Variants in ARMCX4 observed in about 807,000 individuals in gnomAD.
The protein encoded by ARMCX4 is armadillo repeat-containing X-linked protein 4.
In ARMCX4, 3 loss-of-function variants were observed where a neutral mutation model predicts 34.7. The observed-to-expected ratio is 0.09, with a 90% CI of 0.04 to 0.22. ARMCX4 has a LOEUF of 0.22. Among genes scored for constraint, ARMCX4 ranks in the 10% least tolerant of loss-of-function variants. The probability of loss-of-function intolerance (pLI) is 1.00; values close to 1 mark genes in which losing one functional copy is unlikely to be tolerated. For missense variants in ARMCX4, 1,448 were observed against 1,720.8 expected, an observed-to-expected ratio of 0.84 and a Z score of 2.81; for synonymous variants, 513 against 632.8, an observed-to-expected ratio of 0.81 and a Z score of 2.84.
At chrX:101,465,770 A>G (rs1357222679) in intron 4 of ARMCX4, among the ~76,000 whole-genome samples, 1 of 112,367 alleles carries the variant, frequency 8.9e-6, no homozygotes, top group African/African-American at 3.2e-5. Flanking sequence ...TACAAGGAGC[A>G]TCTACAAAAT....
Position 101,492,249 on chromosome X carries a change from TG to T in ARMCX4, c.3666del (p.Ser1223LeufsTer64). 1 of 1,134,288 alleles carries T rather than the reference TG, an allele frequency of 8.8e-7. No individual in the cohort carries two copies. Among genetic ancestry groups the T allele is most frequent in the Non-Finnish European group, 1.2e-6 (1 of 863,048 alleles). 93.5% of individuals were successfully genotyped at this position (1,134,288 alleles called of 1,213,427 possible). ...GGACTGGGGCTGAGAACCAGGCCAG[TG>T]GGGGGTCTTGGGCTCTCGCTGGGAA... The part of the protein sequence containing the change: ...AWTGAENQAS[G>X]GSWALAGNQA... On this transcript the variant is annotated frameshift_variant, in exon 6 of 6. Coordinates refer to ENST00000423738, the MANE Select transcript of ARMCX4 (RefSeq NM_001256155.3). LOFTEE classifies it low-confidence loss of function (END_TRUNC).
chrX:101,518,242 TATA>T (rs1934782515), intron 11 of ARMCX4, among the ~76,000 whole-genome samples: 1 of 111,520 alleles, frequency 9.0e-6, no homozygotes, highest in Non-Finnish European at 1.9e-5. Flanking sequence ...AGTGACATAC[TATA>T]ATAACAGAGT....
At chrX:101,425,393 C>CT (rs1433372159) in intron 2 of ARMCX4, among the ~76,000 whole-genome samples, 8,802 of 88,745 alleles carry the variant, frequency 0.099, 1,495 homozygotes, top group African/African-American at 0.36. Flanking sequence ...GAGGAAGGCA[C>CT]TTTTTTTTTT....
chrX:101,500,432 T>A (rs940800718), downstream of ARMCX4, among the ~76,000 whole-genome samples: 1 of 111,501 alleles, frequency 9.0e-6, no homozygotes, highest in Non-Finnish European at 1.9e-5. Context: ...ACATATGGCA[T>A]CTGTGGAGTG....
At chrX:101,510,929 A>G (rs1439936649) in intron 10 of ARMCX4, 1 of 111,512 alleles carries the variant, frequency 9.0e-6, no homozygotes, top group Non-Finnish European at 1.9e-5. Context: ...TGTCCATTAT[A>G]CATGACATTT....
At chrX:101,518,485 C>A (rs1934787454) in intron 11 of ARMCX4, among the ~76,000 whole-genome samples, 1 of 110,653 alleles carries the variant, frequency 9.0e-6, no homozygotes, top group Admixed American at 9.7e-5. Flanking sequence ...TTTCAAGTGA[C>A]TAGAGGGAAA....
At chrX:101,481,123 C>A (rs782403212), upstream of ARMCX4, among the ~76,000 whole-genome samples, 6 of 110,674 alleles carry the variant, frequency 5.4e-5, no homozygotes, top group African/African-American at 2.0e-4. Context: ...GAACCTATCT[C>A]AAAACAAAAC....
intron 4 of ARMCX4, among the ~76,000 whole-genome samples, chrX:101,456,232 A>G (rs1171951693): frequency 1.8e-5 from 2 of 112,071 alleles, no homozygotes; most frequent in Non-Finnish European, 3.8e-5. Context: ...TCTTTGAGAA[A>G]TCTTTAAAGT....
At chrX:101,522,208 T>C (rs73564760) in intron 11 of ARMCX4, among the ~76,000 whole-genome samples, 8,415 of 111,732 alleles carry the variant, frequency 0.075, 364 homozygotes, top group African/African-American at 0.17. Flanking sequence ...TTTATAATTG[T>C]TATATCTTTT....
chrX:101,430,495 A>T lies in ARMCX4; in HGVS notation n.164+11495A>T, dbSNP rs185087230. ...CCGCCACTCAGCTAATATGTGACAG[A>T]AGAAATATCCCTTATCCCCATCCAT... On this transcript the variant is annotated intron_variant and non_coding_transcript_variant, in intron 2 of 3. Transcript: ENST00000430461. Among the ~76,000 whole-genome samples the T allele has an allele frequency of 4.8e-4, 54 of 112,788 alleles. 1 individual carries two copies. The highest frequency in any genetic ancestry group is 4.6e-3 in the Middle Eastern group (1 of 218).
chrX:101,500,954 A>G (rs1934285353), intron 7 of ARMCX4, among the ~76,000 whole-genome samples: 1 of 112,187 alleles, frequency 8.9e-6, no homozygotes, highest in Non-Finnish European at 1.9e-5. Context: ...CACTATGGAG[A>G]ATGGGAGATG....
Position 101,522,625 on chromosome X carries a change from T to G in ARMCX4, c.*1781-9019T>G, listed in dbSNP as rs781873193. Among the ~76,000 whole-genome samples the G allele has an allele frequency of 9.8e-5, 11 of 112,243 alleles. No individual in the cohort carries two copies. The Admixed American group carries it at 1.0e-3, about 11-fold the overall frequency. On this transcript the variant is annotated intron_variant and NMD_transcript_variant, in intron 11 of 12. Transcript: ENST00000354842. ...GAGTTTCCTAGTGTACCATTTTCAT[T>G]CCTTTGCCATTCCATTTACTATATT...
chrX:101,432,935 C>CACACATGTATACATATGTGTATAT (rs1930250838), intron 2 of ARMCX4, among the ~76,000 whole-genome samples: 6 of 88,777 alleles, frequency 6.8e-5, no homozygotes, highest in Admixed American at 1.3e-4. Flanking sequence ...TATATATATA[C>CACACATGTATACATATGTGTATAT]GTGTATATAT....
chrX:101,530,908 TG>T (rs1354873145), intron 11 of ARMCX4, among the ~76,000 whole-genome samples: 1 of 112,301 alleles, frequency 8.9e-6, no homozygotes, highest in Non-Finnish European at 1.9e-5. Context: ...TTTCCTCTTT[TG>T]TTCTTTAAAA....
intron 2 of ARMCX4, among the ~76,000 whole-genome samples, chrX:101,432,910 AC>A (rs1930237364): frequency 1.1e-5 from 1 of 91,432 alleles, no homozygotes; most frequent in Non-Finnish European, 2.2e-5. Flanking sequence ...GTATATACAC[AC>A]ACGTATACAT....
At position 101,494,264 on chromosome X, in the gene ARMCX4, G is replaced by T; in HGVS notation, c.5675G>T (p.Ser1892Ile). 1 of 1,155,108 alleles carries T rather than the reference G, an allele frequency of 8.7e-7. No individual in the cohort carries two copies. The highest frequency in any genetic ancestry group is 1.1e-6 in the Non-Finnish European group (1 of 872,401). ...GAGGATGAGCTAAGTAGAGAGTCCAGCCCTGATATTGAGGAGATCAGTTTA... is the reference window on the plus strand; with the variant it reads ...GAGGATGAGCTAAGTAGAGAGTCCATCCCTGATATTGAGGAGATCAGTTTA... The part of the protein sequence containing the change: ...VGEDELSRES[S>I]PDIEEISLRS... The change falls in exon 6 of 6, where the codon AGC becomes ATC. Residue 1892 changes from serine (S) to isoleucine (I), a missense_variant. Coordinates refer to ENST00000423738, the MANE Select transcript of ARMCX4 (RefSeq NM_001256155.3).
chrX:101,456,954 C>T (rs1297594527), intron 4 of ARMCX4, among the ~76,000 whole-genome samples: 1 of 109,411 alleles, frequency 9.1e-6, no homozygotes, highest in African/African-American at 3.3e-5. Context: ...TTTTATTTTA[C>T]TTTGAGGTGG....
chrX:101,515,428 T>C (rs1934711341), intron 11 of ARMCX4, among the ~76,000 whole-genome samples: 1 of 34,844 alleles, frequency 2.9e-5, no homozygotes, highest in African/African-American at 1.4e-4. Context: ...CCTTCCTTCC[T>C]TCCTTCCTTC....
chrX:101,421,815 T>A (rs1393629607), intron 2 of ARMCX4, among the ~76,000 whole-genome samples: 1 of 110,162 alleles, frequency 9.1e-6, no homozygotes, highest in Non-Finnish European at 1.9e-5. Context: ...AAGTCTCACC[T>A]CTTAATACTA....
Sources: gnomAD v4.1 joint callset for allele counts (sites outside exome capture counted in the v4.1 genomes callset) on GRCh38, gnomAD v4.1.1 for gene constraint, MANE v1.5 for transcripts, NCBI Gene and HGNC (gene_info 2026-07-23, HGNC 2026-07-21) for gene names.